Variants in PKP4 observed in about 807,000 individuals in gnomAD.
PKP4 encodes plakophilin-4.
PKP4 carries 90 observed loss-of-function variants against 145.1 expected under a neutral mutation model. That is an observed-to-expected ratio of 0.62 (90% CI 0.52 to 0.74). The LOEUF (loss-of-function observed/expected upper bound fraction) is 0.74, where lower values mean the gene tolerates loss of function less well. Ranked by LOEUF, PKP4 falls within the 30% of genes least tolerant of loss-of-function variation. PKP4 has a pLI of 0.00. For synonymous variants in PKP4, 563 were observed against 577.2 expected, an observed-to-expected ratio of 0.98 and a Z score of 0.35; for missense variants, 1,340 against 1,482.7, an observed-to-expected ratio of 0.90 and a Z score of 1.58.
At chr2:158,522,317 A>G (rs1166874343) in intron 1 of PKP4, among the ~76,000 whole-genome samples, 1 of 152,232 alleles carries the variant, frequency 6.6e-6, no homozygotes, top group East Asian at 1.9e-4. Flanking sequence ...ATAATAGGTT[A>G]CACCTATATA....
intron 1 of PKP4, among the ~76,000 whole-genome samples, chr2:158,478,435 A>G (rs1018994751): frequency 6.6e-5 from 10 of 152,172 alleles, no homozygotes; most frequent in Non-Finnish European, 1.5e-4. Flanking sequence ...AGACATTAAC[A>G]TGTTTTAGAA....
chr2:158,643,177 G>T (rs1170888264), intron 11 of PKP4, among the ~76,000 whole-genome samples: 2 of 152,158 alleles, frequency 1.3e-5, no homozygotes, highest in African/African-American at 4.8e-5. Flanking sequence ...GTCACCCTCA[G>T]ATTGGTGAGG....
intron 1 of PKP4, among the ~76,000 whole-genome samples, chr2:158,488,662 A>C (rs79247314): frequency 0.015 from 2,350 of 152,232 alleles, 56 homozygotes; most frequent in East Asian, 0.14. Context: ...CCTTAGTGTA[A>C]TCTCTGTCCC....
chr2:158,502,945 A>G (rs980670671), intron 1 of PKP4, among the ~76,000 whole-genome samples: 1 of 152,232 alleles, frequency 6.6e-6, no homozygotes, highest in Non-Finnish European at 1.5e-5. Context: ...GTCTATTTAT[A>G]TATTAAGAAT....
chr2:158,552,318 A>G (rs1482127224), intron 2 of PKP4, among the ~76,000 whole-genome samples: 2 of 152,190 alleles, frequency 1.3e-5, no homozygotes, highest in African/African-American at 4.8e-5. Context: ...GGTTTCTAGA[A>G]CTGTGAGAAT....
intron 13 of PKP4, chr2:158,661,831 T>C (rs73969027): frequency 0.064 from 11,766 of 185,144 alleles, 1,036 homozygotes; most frequent in African/African-American, 0.21. Context: ...CCAAACTCTC[T>C]GCCCTCCTGG....
intron 15 of PKP4, among the ~76,000 whole-genome samples, chr2:158,664,642 C>T (rs1010088573): frequency 1.3e-5 from 2 of 152,122 alleles, no homozygotes; most frequent in Non-Finnish European, 2.9e-5. Flanking sequence ...GAATATAGAG[C>T]GATAACTATG....
At chr2:158,483,240 T>G (rs1380635141) in intron 1 of PKP4, among the ~76,000 whole-genome samples, 1 of 152,238 alleles carries the variant, frequency 6.6e-6, no homozygotes, top group Non-Finnish European at 1.5e-5. Flanking sequence ...CCTCAATTAT[T>G]TGTTCTATTC....
At chr2:158,540,510 T>C (rs1001888570) in intron 2 of PKP4, among the ~76,000 whole-genome samples, 2 of 152,184 alleles carry the variant, frequency 1.3e-5, no homozygotes, top group Non-Finnish European at 2.9e-5. Flanking sequence ...AGTAGACATA[T>C]AAAGTTGACC....
In PKP4 at chr2:158,679,797, G is replaced by A. The variant is rs571345040; in HGVS notation, c.3331-632G>A. Among the ~76,000 whole-genome samples the A allele has an allele frequency of 4.6e-5, 7 of 152,300 alleles. No homozygotes were observed. The East Asian group carries it at 9.6e-4, about 21-fold the overall frequency. On this transcript the variant is annotated intron_variant, in intron 21 of 21. Coordinates refer to ENST00000389759, the MANE Select transcript of PKP4 (RefSeq NM_003628.6). ...TTCCTCTAGAACCATATTTGCTCACGTGTGTCTCCTAATTTTACTATTCTT... is the reference window on the plus strand; with the variant it reads ...TTCCTCTAGAACCATATTTGCTCACATGTGTCTCCTAATTTTACTATTCTT...
At chr2:158,486,060 C>A (rs1054627875) in intron 1 of PKP4, among the ~76,000 whole-genome samples, 6 of 151,970 alleles carry the variant, frequency 3.9e-5, no homozygotes, top group African/African-American at 1.2e-4. Flanking sequence ...AAAAGAATTA[C>A]AAAAATGAAA....
intron 1 of PKP4, among the ~76,000 whole-genome samples, chr2:158,525,799 G>C (rs1286676051): frequency 1.4e-5 from 2 of 144,234 alleles, no homozygotes; most frequent in Admixed American, 7.0e-5. Flanking sequence ...TGATAAAGGG[G>C]ATATCACCAC....
intron 1 of PKP4, among the ~76,000 whole-genome samples, chr2:158,473,049 G>A (rs537304193): frequency 2.6e-5 from 4 of 152,100 alleles, no homozygotes; most frequent in African/African-American, 4.8e-5. Context: ...CAACAAGCAC[G>A]TAAAAAAAAG....
chr2:158,532,859 C>A (rs1048576017), intron 1 of PKP4, among the ~76,000 whole-genome samples: 4 of 151,862 alleles, frequency 2.6e-5, no homozygotes, highest in African/African-American at 9.7e-5. Context: ...CTCTTTTTTT[C>A]TTTTCTGTTG....
At chr2:158,626,167 A>G (rs1465464686) in intron 7 of PKP4, among the ~76,000 whole-genome samples, 1 of 152,254 alleles carries the variant, frequency 6.6e-6, no homozygotes, top group African/African-American at 2.4e-5. Flanking sequence ...GAAATAAGTG[A>G]AAGCCTTTTA....
At chr2:158,561,275 C>T (rs1349418765) in intron 2 of PKP4, among the ~76,000 whole-genome samples, 2 of 152,200 alleles carry the variant, frequency 1.3e-5, no homozygotes, top group Non-Finnish European at 2.9e-5. Context: ...TACTGTGTAT[C>T]TGGCCTTTTC....
chr2:158,576,066 G>T (rs1298609475), intron 2 of PKP4, among the ~76,000 whole-genome samples: 3 of 152,154 alleles, frequency 2.0e-5, no homozygotes, highest in Non-Finnish European at 4.4e-5. Flanking sequence ...CACCAGTTGG[G>T]ATCATTAGGA....
chr2:158,597,025 TCACA>T (rs1294471939), intron 3 of PKP4, among the ~76,000 whole-genome samples: 1 of 152,198 alleles, frequency 6.6e-6, no homozygotes, highest in Non-Finnish European at 1.5e-5. Context: ...AAAAGTTGCT[TCACA>T]CTTTTGTTTG....
At position 158,499,212 on chromosome 2, in the gene PKP4, C is replaced by T. The variant is rs576036171; in HGVS notation, c.-5-33968C>T. ...GTTAAATACATAAGATAAAATGACC[C>T]ACTGATTTTTTTTAATTAAAAAATG... On this transcript the variant is annotated intron_variant, in intron 1 of 21. Coordinates refer to ENST00000389759, the MANE Select transcript of PKP4 (RefSeq NM_003628.6). 2.0e-5 allele frequency among the ~76,000 whole-genome samples: 3 copies of T among 152,032 alleles called. No homozygotes were observed. The South Asian group carries it at 6.2e-4, about 32-fold the overall frequency.
Sources: allele counts gnomAD v4.1 joint callset (sites outside exome capture counted in the v4.1 genomes callset), GRCh38; gene constraint gnomAD v4.1.1; transcripts MANE v1.5; gene names NCBI Gene and HGNC (gene_info 2026-07-23, HGNC 2026-07-21).